The following MYO10 variants were observed in gnomAD, a reference collection of about 807,000 sequenced individuals.
MYO10 encodes the protein unconventional myosin-X.
In MYO10, 133 loss-of-function variants were observed where a neutral mutation model predicts 257.3. The ratio of observed to expected loss-of-function variants is 0.52; its 90% CI spans 0.45 to 0.60. MYO10 has a LOEUF of 0.60. Among genes scored for constraint, MYO10 ranks in the 20% least tolerant of loss-of-function variants. The pLI, the probability that MYO10 is intolerant of heterozygous loss-of-function variation, is 0.00. For synonymous variants in MYO10, 1,104 were observed against 1,028.6 expected (o/e 1.07, Z -1.40); for missense variants, 2,399 against 2,635.7 (o/e 0.91, Z 1.97).
At chr5:16,923,693 CA>C (rs1746054452) in intron 1 of MYO10, among the ~76,000 whole-genome samples, 1 of 151,208 alleles carries the variant, frequency 6.6e-6, no homozygotes, top group Non-Finnish European at 1.5e-5. Flanking sequence ...CACACACACA[CA>C]CTCCCTAACA....
intron 1 of MYO10, among the ~76,000 whole-genome samples, chr5:16,882,824 T>C (rs142334540): frequency 2.6e-5 from 4 of 152,228 alleles, no homozygotes; most frequent in African/African-American, 9.6e-5. Context: ...TGCACAATTA[T>C]ATACATGTGC....
chr5:16,860,438 C>T (rs979809964), intron 2 of MYO10, among the ~76,000 whole-genome samples: 1 of 152,146 alleles, frequency 6.6e-6, no homozygotes, highest in Non-Finnish European at 1.5e-5. Flanking sequence ...TCGGGCAACT[C>T]GTTAAATGCA....
rs370301821 is a variant in MYO10 at position 16,874,349 on chromosome 5, G to T, written c.120+3260C>A. Among the ~76,000 whole-genome samples the T allele has an allele frequency of 2.8e-4, 30 of 105,552 alleles. 3 individuals are homozygous for T. Among genetic ancestry groups the T allele is most frequent in the African/African-American group, 8.0e-4 (23 of 28,908 alleles). The allele number at this position is 105,552 out of a possible 152,430, so 69.2% of individuals were successfully genotyped here. On this transcript the variant is annotated intron_variant, in intron 2 of 40. Transcript: ENST00000513610. ...ACTCCATCTAAAAAAAAAAGCGGGG[G>T]GGGGGGGGGGTTTCTTTTCTATCAC...
At chr5:16,800,784 G>A (rs914570124) in intron 3 of MYO10, among the ~76,000 whole-genome samples, 3 of 152,164 alleles carry the variant, frequency 2.0e-5, no homozygotes, top group Non-Finnish European at 4.4e-5. Flanking sequence ...GGAATGAAAG[G>A]CTTTTCCTCC....
intron 1 of MYO10, among the ~76,000 whole-genome samples, chr5:16,881,944 TCACA>T (rs200610639): frequency 0.018 from 2,667 of 152,304 alleles, 41 homozygotes; most frequent in Middle Eastern, 0.037. Flanking sequence ...TGGAAAAGGC[TCACA>T]ATTTGATTAA....
At chr5:16,706,422 G>A (rs979545965) in intron 21 of MYO10, among the ~76,000 whole-genome samples, 5 of 152,086 alleles carry the variant, frequency 3.3e-5, no homozygotes, top group South Asian at 2.1e-4. Flanking sequence ...TCAAAATCAC[G>A]TAGCAAAAGC....
intron 18 of MYO10, among the ~76,000 whole-genome samples, chr5:16,755,855 G>A (rs1310539578): frequency 6.6e-6 from 1 of 151,112 alleles, no homozygotes; most frequent in Non-Finnish European, 1.5e-5. Context: ...ACCCACCCCT[G>A]TGGAAAAGCA....
chr5:16,909,563 G>A (rs1161722038), intron 1 of MYO10, among the ~76,000 whole-genome samples: 3 of 150,138 alleles, frequency 2.0e-5, no homozygotes, highest in African/African-American at 7.3e-5. Flanking sequence ...TCACTATTGC[G>A]AGAATAGCAC....
At chr5:16,870,726 C>A (rs1744429910) in intron 2 of MYO10, among the ~76,000 whole-genome samples, 1 of 152,080 alleles carries the variant, frequency 6.6e-6, no homozygotes, top group Non-Finnish European at 1.5e-5. Flanking sequence ...AAGCCCATCT[C>A]TACTAAAAAT....
At chr5:16,714,525 G>A (rs1175784451) in intron 19 of MYO10, among the ~76,000 whole-genome samples, 2 of 152,146 alleles carry the variant, frequency 1.3e-5, no homozygotes, top group African/African-American at 2.4e-5. Context: ...AGGAACAAGA[G>A]CATCCCCAAA....
rs1329844312 is a variant in MYO10, at chr5:16,680,081, C to T, written c.4408G>A (p.Gly1470Arg). The change falls in exon 33 of 41, where the codon GGG becomes AGG. Residue 1470 changes from glycine (G) to arginine (R), a missense_variant. By Grantham distance (125) the Gly-to-Arg change is moderately radical. Coordinates refer to ENST00000513610, the MANE Select transcript of MYO10 (RefSeq NM_012334.3). ...TAGAGCCGGTAACAGTGCTTGCGCC[C>T]GTACACGGTGACGTTCCAGTAGCCT... is the stretch of plus-strand genomic sequence containing the variant. ...ETGYWNVTVY[G>R]RKHCYRLYTK... is the part of the protein sequence containing the mutation. 2.5e-6 allele frequency: 4 copies of T among 1,611,762 alleles called. No homozygotes were observed. The highest frequency in any genetic ancestry group is 2.5e-6 in the Non-Finnish European group (3 of 1,178,580).
At chr5:16,844,937 TACACACACACACACACGCACAC>T (rs1253765422) in intron 2 of MYO10, among the ~76,000 whole-genome samples, 1 of 144,988 alleles carries the variant, frequency 6.9e-6, no homozygotes, top group Non-Finnish European at 1.5e-5. Context: ...TAATTCCAGA[TACACACACACACACACGCACAC>T]ACACACACAC....
At chr5:16,708,736 G>A (rs1486821242) in intron 21 of MYO10, among the ~76,000 whole-genome samples, 3 of 152,094 alleles carry the variant, frequency 2.0e-5, no homozygotes, top group Admixed American at 2.0e-4. Context: ...TAATTTTTCT[G>A]AATTTCAGTA....
intron 28 of MYO10, among the ~76,000 whole-genome samples, chr5:16,688,681 G>A (rs939303791): frequency 1.3e-5 from 2 of 151,666 alleles, no homozygotes; most frequent in African/African-American, 2.4e-5. Flanking sequence ...TGGAGGCTGC[G>A]GTGAGCCAAG....
At chr5:16,830,379 AT>A (rs898411163) in intron 2 of MYO10, among the ~76,000 whole-genome samples, 9 of 152,170 alleles carry the variant, frequency 5.9e-5, no homozygotes, top group African/African-American at 2.2e-4. Context: ...TTTCTGTATA[AT>A]TTTTAAGGGA....
rs574725403 is a variant in MYO10, at chr5:16,710,718, C to G, written c.2169+190G>C. ...TAATGAAACAGAGTCCCTGACAAGT[C>G]AAGGACTTCACTTCAAATAAAATAG... On this transcript the variant is annotated intron_variant, in intron 21 of 40. Coordinates refer to ENST00000513610, the MANE Select transcript of MYO10 (RefSeq NM_012334.3). 1.8e-4 allele frequency: 105 copies of G among 593,316 alleles called. 2 individuals are homozygous for G. The South Asian group carries it at 2.0e-3, about 11-fold the overall frequency. The allele number at this position is 593,316 out of a possible 1,614,324, so 36.8% of individuals were successfully genotyped here.
chr5:16,767,910 T>C (rs1221195503), intron 10 of MYO10, among the ~76,000 whole-genome samples: 1 of 152,156 alleles, frequency 6.6e-6, no homozygotes. Context: ...ACTCCTGACC[T>C]CAAGTGATCC....
chr5:16,700,201 G>A (rs916346616), intron 25 of MYO10, among the ~76,000 whole-genome samples: 5 of 152,034 alleles, frequency 3.3e-5, no homozygotes, highest in Admixed American at 1.3e-4. Flanking sequence ...AAATAACATC[G>A]TGTGGTTTGG....
intron 33 of MYO10, among the ~76,000 whole-genome samples, chr5:16,676,429 C>T (rs958282873): frequency 5.3e-5 from 8 of 152,124 alleles, no homozygotes; most frequent in Admixed American, 2.6e-4. Context: ...TAAAAAATTT[C>T]ATCTCAGCAG....
Sources: allele counts gnomAD v4.1 joint callset (sites outside exome capture counted in the v4.1 genomes callset), GRCh38; gene constraint gnomAD v4.1.1; transcripts MANE v1.5; gene names NCBI Gene and HGNC (gene_info 2026-07-23, HGNC 2026-07-21).